The following PTPRD variants were observed in gnomAD, a reference collection of about 807,000 sequenced individuals.
The protein encoded by PTPRD is protein tyrosine phosphatase receptor type D.
In PTPRD, 34 loss-of-function variants were observed where a neutral mutation model predicts 214.5. The ratio of observed to expected loss-of-function variants is 0.16; its 90% CI spans 0.12 to 0.21. PTPRD has a LOEUF of 0.21. Ranked by LOEUF, PTPRD falls within the 10% of genes least tolerant of loss-of-function variation. The pLI, the probability that PTPRD is intolerant of heterozygous loss-of-function variation, is 1.00. For synonymous variants in PTPRD, 1,128 were observed against 845.7 expected, an observed-to-expected ratio of 1.33 and a Z score of -5.79; for missense variants, 2,545 against 2,398.7, an observed-to-expected ratio of 1.06 and a Z score of -1.27.
intron 10 of PTPRD, among the ~76,000 whole-genome samples, chr9:9,048,158 C>T (rs1452806146): frequency 6.6e-6 from 1 of 152,104 alleles, no homozygotes; most frequent in Non-Finnish European, 1.5e-5. Flanking sequence ...ATAACAAATA[C>T]TGGTGAGGAT....
chr9:8,662,183 CA>C (rs2097072485), intron 12 of PTPRD, among the ~76,000 whole-genome samples: 1 of 152,124 alleles, frequency 6.6e-6, no homozygotes, highest in Non-Finnish European at 1.5e-5. Context: ...AACCAAGTCA[CA>C]ACTGCATGTT....
chr9:10,023,724 G>C (rs2096868098), intron 4 of PTPRD, among the ~76,000 whole-genome samples: 1 of 149,930 alleles, frequency 6.7e-6, no homozygotes, highest in Admixed American at 6.6e-5. Context: ...TTGCAATTTA[G>C]GGCCTAAGTA....
At chr9:9,347,102 G>C (rs1003698935) in intron 9 of PTPRD, among the ~76,000 whole-genome samples, 93 of 152,236 alleles carry the variant, frequency 6.1e-4, no homozygotes, top group African/African-American at 2.2e-3. Context: ...GGGAGGTTGA[G>C]GCTGCCGTAA....
intron 5 of PTPRD, among the ~76,000 whole-genome samples, chr9:9,790,353 G>C (rs1017344450): frequency 6.6e-6 from 1 of 152,140 alleles, no homozygotes; most frequent in Non-Finnish European, 1.5e-5. Flanking sequence ...CCAGGGGCTT[G>C]AGAATGACAC....
intron 10 of PTPRD, among the ~76,000 whole-genome samples, chr9:9,173,026 G>A (rs143377570): frequency 4.6e-5 from 7 of 152,168 alleles, no homozygotes; most frequent in East Asian, 3.9e-4. Context: ...CATGGCCTTC[G>A]TTTATTTCCC....
intron 11 of PTPRD, among the ~76,000 whole-genome samples, chr9:8,890,887 C>G (rs1380044280): frequency 6.6e-6 from 1 of 152,154 alleles, no homozygotes; most frequent in Non-Finnish European, 1.5e-5. Context: ...CGTTCAGCAG[C>G]TGCCTGTCTC....
At chr9:9,580,789 T>C (rs1263196788) in intron 7 of PTPRD, among the ~76,000 whole-genome samples, 1 of 152,042 alleles carries the variant, frequency 6.6e-6, no homozygotes. Flanking sequence ...CCTCTTGTGA[T>C]CCACCCACCT....
chr9:9,565,811 T>A (rs897703739), intron 8 of PTPRD, among the ~76,000 whole-genome samples: 20 of 151,920 alleles, frequency 1.3e-4, no homozygotes, highest in African/African-American at 4.8e-4. Flanking sequence ...TCCTAGGATT[T>A]TGAAGAATTT....
chr9:10,216,679 C>T (rs994018304), intron 3 of PTPRD, among the ~76,000 whole-genome samples: 5 of 151,996 alleles, frequency 3.3e-5, no homozygotes, highest in Admixed American at 6.6e-5. Context: ...TAACTTACCT[C>T]TGTTCACAAT....
At chr9:9,473,068 T>G (rs1169785811) in intron 8 of PTPRD, among the ~76,000 whole-genome samples, 1 of 152,194 alleles carries the variant, frequency 6.6e-6, no homozygotes, top group African/African-American at 2.4e-5. Flanking sequence ...AATTTATTCC[T>G]CCAATCTAGT....
At chr9:8,420,199 G>A (rs947268392) in intron 35 of PTPRD, among the ~76,000 whole-genome samples, 1 of 152,010 alleles carries the variant, frequency 6.6e-6, no homozygotes, top group Non-Finnish European at 1.5e-5. Flanking sequence ...CAGAATTCAA[G>A]GGCAAAATTT....
rs564722726 is a variant in PTPRD, at chr9:9,197,678, T to G, written c.-202-14315A>C. 2.0e-3 allele frequency among the ~76,000 whole-genome samples: 310 copies of G among 152,234 alleles called. 2 individuals carry two copies. Among genetic ancestry groups the G allele is most frequent in the African/African-American group, 6.9e-3 (286 of 41,586 alleles). On this transcript the variant is annotated intron_variant, in intron 9 of 45. Coordinates refer to ENST00000381196, the MANE Select transcript of PTPRD (RefSeq NM_002839.4). The stretch of plus-strand genomic sequence containing the variant: ...TGCCCGCCACGGCCTCCCAAAGTGC[T>G]GGGATTACAGGCATGAGCCACCATG...
intron 2 of PTPRD, among the ~76,000 whole-genome samples, chr9:10,382,217 C>A (rs767699757): frequency 3.9e-4 from 60 of 151,924 alleles, no homozygotes; most frequent in Non-Finnish European, 7.1e-4. Context: ...TTCAGTAACT[C>A]CACATGAAAC....
At chr9:9,503,635 A>C (rs1036973277) in intron 8 of PTPRD, among the ~76,000 whole-genome samples, 1 of 151,796 alleles carries the variant, frequency 6.6e-6, no homozygotes, top group South Asian at 2.1e-4. Flanking sequence ...CAAACCTCCG[A>C]ATCTTGTAGC....
chr9:8,973,816 T>C (rs1049794834), intron 11 of PTPRD, among the ~76,000 whole-genome samples: 6 of 152,178 alleles, frequency 3.9e-5, no homozygotes, highest in Non-Finnish European at 8.8e-5. Flanking sequence ...TGATGATTAG[T>C]GATGTAGAGC....
chr9:9,965,328 G>A (rs2094609225), intron 4 of PTPRD, among the ~76,000 whole-genome samples: 1 of 152,142 alleles, frequency 6.6e-6, no homozygotes, highest in African/African-American at 2.4e-5. Flanking sequence ...AACAATATGT[G>A]AGTTGGGTGT....
chr9:10,364,003 T>C lies in PTPRD; in HGVS notation c.-599-22986A>G, dbSNP rs374854782. On this transcript the variant is annotated intron_variant, in intron 2 of 45. Transcript: ENST00000381196. ...TCCACATTTTCGGGTTTTTTTTTTTTTTTTTTTTTTTTTTGAGATGGAGTC... is the reference window on the plus strand; with the variant it reads ...TCCACATTTTCGGGTTTTTTTTTTTCTTTTTTTTTTTTTTGAGATGGAGTC... Among the ~76,000 whole-genome samples the C allele has an allele frequency of 3.3e-4, 27 of 81,752 alleles. 1 individual carries two copies. The highest frequency in any genetic ancestry group is 1.2e-3 in the South Asian group (3 of 2,486). 53.6% of individuals were successfully genotyped at this position (81,752 alleles called of 152,430 possible). A position where few individuals can be genotyped will look rare whatever the true frequency, so the allele number is the denominator to read the frequency against.
intron 4 of PTPRD, among the ~76,000 whole-genome samples, chr9:9,944,101 G>C (rs16930660): frequency 0.094 from 14,362 of 152,170 alleles, 1,389 homozygotes; most frequent in East Asian, 0.3. Context: ...TAGCCTGTTA[G>C]TCACAAGACA....
intron 2 of PTPRD, among the ~76,000 whole-genome samples, chr9:10,367,816 T>G (rs540019145): frequency 6.6e-6 from 1 of 152,204 alleles, no homozygotes; most frequent in Non-Finnish European, 1.5e-5. Flanking sequence ...CAGACAATGC[T>G]TGATTGGAAC....
Sources: allele counts gnomAD v4.1 joint callset (sites outside exome capture counted in the v4.1 genomes callset), GRCh38; gene constraint gnomAD v4.1.1; transcripts MANE v1.5; gene names NCBI Gene and HGNC (gene_info 2026-07-23, HGNC 2026-07-21).